The following MIGA1 variants were observed in gnomAD, a reference collection of about 807,000 sequenced individuals.
MIGA1 encodes the protein family with sequence similarity 73, member A.
MIGA1 carries 58 observed loss-of-function variants against 82.0 expected under a neutral mutation model. That is an observed-to-expected ratio of 0.71 (90% confidence interval 0.57 to 0.88). The LOEUF is 0.88. Among genes scored for constraint, MIGA1 ranks in the 40% least tolerant of loss-of-function variants. The pLI, the probability that MIGA1 is intolerant of heterozygous loss-of-function variation, is 0.00. For synonymous variants in MIGA1, 249 were observed against 253.6 expected (o/e 0.98, Z 0.17); for missense variants, 751 against 749.1 (o/e 1.00, Z -0.03).
At chr1:77,792,573 A>T (rs1357179967) in intron 2 of MIGA1, among the ~76,000 whole-genome samples, 1 of 152,190 alleles carries the variant, frequency 6.6e-6, no homozygotes, top group East Asian at 1.9e-4. Flanking sequence ...AAAGGATAAA[A>T]AAAGTTTTAA....
intron 11 of MIGA1, 37 bp downstream of exon 11, chr1:77,860,163 C>T: frequency 2.0e-6 from 3 of 1,495,734 alleles, no homozygotes; most frequent in Non-Finnish European, 2.8e-6. Flanking sequence ...TTACCATTTA[C>T]AAAAGTTGTT....
chr1:77,799,138 A>G (rs1406549204), intron 2 of MIGA1, among the ~76,000 whole-genome samples: 2 of 152,118 alleles, frequency 1.3e-5, no homozygotes, highest in Non-Finnish European at 2.9e-5. Context: ...GCATCTATCA[A>G]TGAGGGATAT....
chr1:77,844,839 G>A (rs530511667), intron 8 of MIGA1, among the ~76,000 whole-genome samples: 4 of 152,090 alleles, frequency 2.6e-5, no homozygotes, highest in South Asian at 2.1e-4. Flanking sequence ...AAAATTAGCC[G>A]GGCATGGTGG....
chr1:77,790,600 T>G (rs1682374549), intron 2 of MIGA1, among the ~76,000 whole-genome samples: 1 of 151,362 alleles, frequency 6.6e-6, no homozygotes, highest in Non-Finnish European at 1.5e-5. Context: ...TTTTTTTTTT[T>G]TTGAGACAGA....
At chr1:77,824,287 G>T (rs1683947186) in intron 7 of MIGA1, among the ~76,000 whole-genome samples, 1 of 152,194 alleles carries the variant, frequency 6.6e-6, no homozygotes, top group Non-Finnish European at 1.5e-5. Flanking sequence ...GCTGGGTGTG[G>T]TAGCTCATGC....
At chr1:77,800,129 A>C (rs1682816024) in intron 2 of MIGA1, among the ~76,000 whole-genome samples, 2 of 152,188 alleles carry the variant, frequency 1.3e-5, no homozygotes. Context: ...TGCCCTCCAC[A>C]GAAGCTGCTG....
chr1:77,867,476 C>T (rs1461724466), intron 14 of MIGA1, among the ~76,000 whole-genome samples: 4 of 152,172 alleles, frequency 2.6e-5, no homozygotes, highest in Admixed American at 6.5e-5. Context: ...TACAGGTGCA[C>T]ACCACCATGC....
In MIGA1 at chr1:77,875,334, G is replaced by A. The variant is rs1646886020; in HGVS notation, c.*270G>A. 1 of 326,082 alleles carries A rather than the reference G, an allele frequency of 3.1e-6. No homozygotes were observed. The highest frequency in any genetic ancestry group is 4.6e-5 in the Admixed American group (1 of 21,862). The allele number at this position is 326,082 out of a possible 1,614,324, so 20.2% of individuals were successfully genotyped here. On this transcript the variant is annotated 3_prime_UTR_variant, in exon 16 of 16. Transcript: ENST00000370791. The stretch of plus-strand genomic sequence containing the variant: ...ATTTTACAGAAATATCGCTTGAATT[G>A]AAGCCAATATTTGGGAGTTAATTGG...
Position 77,815,193 on chromosome 1 carries a change from T to G in MIGA1, c.857T>G (p.Leu286Arg). The change falls in exon 7 of 16, where the codon CTT (leucine) becomes CGT (arginine). Residue 286 changes from leucine to arginine, a missense_variant. By Grantham distance (102) the Leu-to-Arg change is moderately radical. This residue lies in a region of MIGA1 where 482 missense variants were observed against 439.4 expected (regional missense o/e 1.10). Coordinates refer to ENST00000370791, the MANE Select transcript of MIGA1 (RefSeq NM_198549.4). ...CTCCAAGAGGAGTTTGAAGCTACCCTTGGGGCATCTGATCCTAATTCCCTT... is the reference window on the plus strand; with the variant it reads ...CTCCAAGAGGAGTTTGAAGCTACCCGTGGGGCATCTGATCCTAATTCCCTT... The G allele has an allele frequency of 6.2e-7, 1 of 1,608,866 alleles. No individual in the cohort carries two copies. Among genetic ancestry groups the G allele is most frequent in the Non-Finnish European group, 8.5e-7 (1 of 1,177,106 alleles).
At chr1:77,781,374 G>A (rs1245806337) in intron 1 of MIGA1, among the ~76,000 whole-genome samples, 1 of 152,200 alleles carries the variant, frequency 6.6e-6, no homozygotes, top group African/African-American at 2.4e-5. Flanking sequence ...ATTGCTTAAT[G>A]ATCCAGAATC....
intron 7 of MIGA1, among the ~76,000 whole-genome samples, chr1:77,833,128 T>C (rs1346661077): frequency 1.3e-5 from 2 of 152,210 alleles, no homozygotes; most frequent in Non-Finnish European, 2.9e-5. Flanking sequence ...TTACATCAAA[T>C]GTCAGCCCCA....
rs1456145844 is a variant in MIGA1 at position 77,781,149 on chromosome 1, TC to T, written c.81+1415del. The stretch of plus-strand genomic sequence containing the variant: ...GTCTTGAACTCTTGACCTCAACTGA[TC>T]CACCCACCTCGGCCTCCCAAAATGC... On this transcript the variant is annotated intron_variant, in intron 1 of 15. Coordinates refer to ENST00000370791, the MANE Select transcript of MIGA1 (RefSeq NM_198549.4). Among the ~76,000 whole-genome samples, 162 of 152,190 alleles carry T rather than the reference TC, an allele frequency of 1.1e-3. 3 individuals carry two copies. Among genetic ancestry groups the T allele is most frequent in the Non-Finnish European group, 1.3e-4 (9 of 68,008 alleles).
chr1:77,831,431 C>A (rs1320098275), intron 7 of MIGA1, among the ~76,000 whole-genome samples: 1 of 151,704 alleles, frequency 6.6e-6, no homozygotes, highest in Non-Finnish European at 1.5e-5. Flanking sequence ...AATTTTTATA[C>A]ATTTCAAATA....
intron 5 of MIGA1, among the ~76,000 whole-genome samples, chr1:77,810,595 A>T (rs1683286073): frequency 6.7e-6 from 1 of 149,340 alleles, no homozygotes; most frequent in South Asian, 2.1e-4. Context: ...GTAAATTAGA[A>T]AATAGACTAT....
intron 2 of MIGA1, among the ~76,000 whole-genome samples, chr1:77,793,457 CTTGT>C (rs1447809100): frequency 6.6e-6 from 1 of 151,382 alleles, no homozygotes; most frequent in Admixed American, 6.6e-5. Context: ...TGTTTGTTTG[CTTGT>C]TTGTTTTGTT....
intron 2 of MIGA1, 41 bp downstream of exon 2, chr1:77,783,392 A>G (rs941834263): frequency 2.5e-6 from 3 of 1,185,864 alleles, no homozygotes; most frequent in Non-Finnish European, 3.7e-6. Context: ...TATTAAGCTT[A>G]TTGCTCAGAG....
At chr1:77,799,003 A>G (rs930290121) in intron 2 of MIGA1, among the ~76,000 whole-genome samples, 6 of 152,178 alleles carry the variant, frequency 3.9e-5, no homozygotes, top group Admixed American at 3.3e-4. Context: ...ATATTATGGT[A>G]AGTTACATTG....
chr1:77,807,136 G>A (rs1172927139), intron 5 of MIGA1, 35 bp downstream of exon 5: 2 of 1,489,946 alleles, frequency 1.3e-6, no homozygotes, highest in South Asian at 2.5e-5. Context: ...AAGATACTGT[G>A]CTCACATTTA....
At chr1:77,826,671 T>A (rs1684037449) in intron 7 of MIGA1, among the ~76,000 whole-genome samples, 2 of 152,184 alleles carry the variant, frequency 1.3e-5, no homozygotes, top group Non-Finnish European at 2.9e-5. Context: ...AGACAGGATC[T>A]CACTATGTTG....
Sources: allele counts gnomAD v4.1 joint callset (sites outside exome capture counted in the v4.1 genomes callset), GRCh38; gene constraint gnomAD v4.1.1; regional missense constraint gnomAD v4.1.1; transcripts MANE v1.5; gene names NCBI Gene and HGNC (gene_info 2026-07-23, HGNC 2026-07-21).